VPS13B: variants seen among roughly 807,000 people sequenced by gnomAD.
The protein encoded by VPS13B is vacuolar protein sorting 13 homolog B, also known as intermembrane lipid transfer protein VPS13B.
A neutral mutation model predicts 426.4 loss-of-function variants in VPS13B; 285 were observed. That is an observed-to-expected ratio of 0.67 (90% confidence interval 0.61 to 0.74). The LOEUF (loss-of-function observed/expected upper bound fraction) is 0.74, where lower values mean the gene tolerates loss of function less well. Ranked by LOEUF, VPS13B falls within the 30% of genes least tolerant of loss-of-function variation. VPS13B has a pLI of 0.00. For missense variants in VPS13B, 4,537 were observed against 4,782.6 expected (o/e 0.95, Z 1.51); for synonymous variants, 1,676 against 1,676.4 (o/e 1.00, Z 0.01).
chr8:99,296,501 T>C (rs1190665730), intron 19 of VPS13B, among the ~76,000 whole-genome samples: 2 of 152,202 alleles, frequency 1.3e-5, no homozygotes, highest in Non-Finnish European at 2.9e-5. Flanking sequence ...TAAATTTGAA[T>C]GAATTTTTCT....
chr8:99,600,901 ACT>A (rs1827262568), intron 33 of VPS13B, among the ~76,000 whole-genome samples: 1 of 152,096 alleles, frequency 6.6e-6, no homozygotes. Context: ...TAACCAGCTC[ACT>A]GTTTCCTTTA....
In VPS13B at chr8:99,853,699, C is replaced by T. The variant is rs200268089; in HGVS notation, c.10310C>T (p.Ser3437Phe). 97 of 1,614,072 alleles carry T rather than the reference C, an allele frequency of 6.0e-5. 2 individuals carry two copies. The Admixed American group carries it at 1.5e-3, about 25-fold the overall frequency. Residue 3437 changes from serine (S) to phenylalanine (F), a missense_variant, in exon 56 of 62, where the codon TCC becomes TTC. Physicochemically the swap from Ser to Phe is radical, Grantham distance 155. Transcript: ENST00000357162. ...CTAGACAACCAGCTTTATAACAAGT[C>T]CAATTTCCACTTTGCTGTCTTAGTC... Reference protein sequence around the residue: ...LQLDNQLYNKSNFHFAVLVCQ... With the variant: ...LQLDNQLYNKFNFHFAVLVCQ...
intron 3 of VPS13B, among the ~76,000 whole-genome samples, chr8:99,078,458 G>A (rs1365803129): frequency 6.6e-6 from 1 of 151,874 alleles, no homozygotes; most frequent in Non-Finnish European, 1.5e-5. Flanking sequence ...TTCCCCAGTG[G>A]CTTAGGCTGT....
At chr8:99,745,036 A>G (rs1810008667) in intron 39 of VPS13B, among the ~76,000 whole-genome samples, 1 of 151,822 alleles carries the variant, frequency 6.6e-6, no homozygotes, top group African/African-American at 2.4e-5. Flanking sequence ...ATATCATTTG[A>G]TAGCATGTAA....
intron 30 of VPS13B, among the ~76,000 whole-genome samples, chr8:99,548,823 G>C (rs904503658): frequency 1.3e-5 from 2 of 151,788 alleles, no homozygotes; most frequent in African/African-American, 4.8e-5. Context: ...AAATCTTGGG[G>C]ATTATGTAAT....
intron 17 of VPS13B, among the ~76,000 whole-genome samples, chr8:99,219,670 C>T (rs974626525): frequency 9.2e-5 from 14 of 152,114 alleles, no homozygotes; most frequent in Admixed American, 7.9e-4. Context: ...GGGGCTAGTC[C>T]GCTTCTGTGA....
intron 17 of VPS13B, among the ~76,000 whole-genome samples, chr8:99,232,328 T>G (rs1563616683): frequency 6.6e-6 from 1 of 152,114 alleles, no homozygotes; most frequent in Non-Finnish European, 1.5e-5. Context: ...GTGACAGAGT[T>G]TCCTTTTCAA....
chr8:99,456,276 C>T (rs1056074047), intron 23 of VPS13B, among the ~76,000 whole-genome samples: 5 of 152,106 alleles, frequency 3.3e-5, no homozygotes, highest in African/African-American at 1.2e-4. Flanking sequence ...TCAAGTGATT[C>T]TCGTGCCTCA....
Position 99,858,919 on chromosome 8 carries a change from C to T in VPS13B, c.10868-385C>T, listed in dbSNP as rs576188263. 1.2e-3 allele frequency among the ~76,000 whole-genome samples: 178 copies of T among 152,294 alleles called. 1 individual carries two copies. Among genetic ancestry groups the T allele is most frequent in the Non-Finnish European group, 1.7e-3 (117 of 68,036 alleles). On this transcript the variant is annotated intron_variant, in intron 56 of 61. Transcript: ENST00000357162. ...GCATCTCCTCCTATCCTGGTGCCTC[C>T]GCTGTCCCGGGGAGGCTTTAGAGAG...
chr8:99,593,074 A>T (rs1408162410), intron 33 of VPS13B, among the ~76,000 whole-genome samples: 1 of 152,164 alleles, frequency 6.6e-6, no homozygotes, highest in Non-Finnish European at 1.5e-5. Context: ...GGATCTAATT[A>T]AACTAAGGAA....
intron 51 of VPS13B, among the ~76,000 whole-genome samples, chr8:99,826,101 G>T (rs1814667877): frequency 6.6e-6 from 1 of 152,154 alleles, no homozygotes; most frequent in African/African-American, 2.4e-5. Flanking sequence ...TTCTAATTCT[G>T]TGAAGAAAGT....
At chr8:99,121,613 T>C in intron 8 of VPS13B, 168 bp downstream of exon 8, 1 of 1,428,990 alleles carries the variant, frequency 7.0e-7, no homozygotes, top group South Asian at 1.6e-5. Context: ...CTTGAAATCT[T>C]TGAATTCTGA....
chr8:99,084,017 G>C (rs7350099), intron 3 of VPS13B, among the ~76,000 whole-genome samples: 7 of 150,572 alleles, frequency 4.6e-5, no homozygotes, highest in African/African-American at 1.7e-4. Context: ...GATTGGAATA[G>C]TTTCAGAAGG....
At chr8:99,608,304 A>G (rs770610148) in intron 33 of VPS13B, among the ~76,000 whole-genome samples, 176 of 150,894 alleles carry the variant, frequency 1.2e-3, no homozygotes, top group Non-Finnish European at 3.1e-4. Context: ...ACATGCCACC[A>G]TGCCCAGCTA....
chr8:99,339,587 A>T (rs899995896), intron 19 of VPS13B, among the ~76,000 whole-genome samples: 3 of 151,472 alleles, frequency 2.0e-5, no homozygotes, highest in African/African-American at 7.3e-5. Flanking sequence ...TTTGGTGGAG[A>T]CACAGATCCA....
chr8:99,127,368 C>G (rs1183447449), intron 8 of VPS13B, among the ~76,000 whole-genome samples: 1 of 152,142 alleles, frequency 6.6e-6, no homozygotes, highest in Admixed American at 6.5e-5. Context: ...TTTATATTTC[C>G]ACTTTCATAT....
At chr8:99,619,831 T>A (rs539030420) in intron 33 of VPS13B, among the ~76,000 whole-genome samples, 22 of 151,810 alleles carry the variant, frequency 1.4e-4, no homozygotes, top group South Asian at 4.2e-4. Flanking sequence ...GCTGAGATTG[T>A]GCCACTAAAC....
intron 40 of VPS13B, among the ~76,000 whole-genome samples, chr8:99,768,023 A>T (rs1221223213): frequency 6.6e-6 from 1 of 152,248 alleles, no homozygotes; most frequent in Non-Finnish European, 1.5e-5. Context: ...AAATAGCTTC[A>T]GCAATCTATT....
At chr8:99,139,725 C>T (rs904465966) in intron 12 of VPS13B, among the ~76,000 whole-genome samples, 7 of 152,098 alleles carry the variant, frequency 4.6e-5, no homozygotes, top group African/African-American at 1.7e-4. Flanking sequence ...GTGTGAGCCA[C>T]TGCGCCCGGC....
Sources: gnomAD v4.1 joint callset for allele counts (sites outside exome capture counted in the v4.1 genomes callset) on GRCh38, gnomAD v4.1.1 for gene constraint, MANE v1.5 for transcripts, NCBI Gene and HGNC (gene_info 2026-07-23, HGNC 2026-07-21) for gene names.